The following SAMTOR variants were observed in gnomAD, a reference collection of about 807,000 sequenced individuals.
The protein encoded by SAMTOR is UPF0532 protein C7orf60.
At chr7:112,898,361 C>A in the SAMTOR span, among the ~76,000 whole-genome samples, 1 of 152,140 alleles carries the variant, frequency 6.6e-6, no homozygotes, top group African/African-American at 2.4e-5. Context: ...TCCATCACCC[C>A]TCCCCTCATT....
the SAMTOR span, among the ~76,000 whole-genome samples, chr7:112,826,093 C>A: frequency 6.6e-6 from 1 of 152,018 alleles, no homozygotes; most frequent in Non-Finnish European, 1.5e-5. Flanking sequence ...TTGTATAGAA[C>A]ATCTGTATCT....
the SAMTOR span, among the ~76,000 whole-genome samples, chr7:112,918,790 G>A: frequency 6.6e-6 from 1 of 152,000 alleles, no homozygotes; most frequent in East Asian, 1.9e-4. Flanking sequence ...AAGGCAGCAG[G>A]TGCAATCCTA....
At chr7:112,927,728 A>T in the SAMTOR span, among the ~76,000 whole-genome samples, 1 of 152,070 alleles carries the variant, frequency 6.6e-6, no homozygotes, top group Non-Finnish European at 1.5e-5. Flanking sequence ...AGCACAATTC[A>T]AAAATATATG....
the SAMTOR span, among the ~76,000 whole-genome samples, chr7:112,916,474 G>A: frequency 7.9e-5 from 12 of 152,300 alleles, no homozygotes; most frequent in South Asian, 2.1e-4. Flanking sequence ...CAAGATGGCC[G>A]AACAGGAACA....
the SAMTOR span, among the ~76,000 whole-genome samples, chr7:112,890,056 A>AGTT: frequency 6.6e-6 from 1 of 152,194 alleles, no homozygotes; most frequent in Non-Finnish European, 1.5e-5. Context: ...AAATTTAACA[A>AGTT]AGATCCTGGA....
At chr7:112,908,249 A>C in the SAMTOR span, among the ~76,000 whole-genome samples, 2 of 152,196 alleles carry the variant, frequency 1.3e-5, no homozygotes, top group Non-Finnish European at 2.9e-5. Flanking sequence ...GGCCTCATTC[A>C]GTCAGTTGAT....
At chr7:112,832,012 C>CTT in the SAMTOR span, among the ~76,000 whole-genome samples, 11 of 131,076 alleles carry the variant, frequency 8.4e-5, no homozygotes, top group African/African-American at 2.5e-4. Context: ...ACTGAAGTTT[C>CTT]TTTTTTTTTT....
chr7:112,937,179 A>G, the SAMTOR span, among the ~76,000 whole-genome samples: 1 of 152,202 alleles, frequency 6.6e-6, no homozygotes, highest in Non-Finnish European at 1.5e-5. Context: ...AGAGGCACCC[A>G]GTTGAATCTG....
the SAMTOR span, among the ~76,000 whole-genome samples, chr7:112,886,368 T>C: frequency 1.3e-5 from 2 of 152,226 alleles, no homozygotes; most frequent in African/African-American, 4.8e-5. Context: ...GAATTAGTAT[T>C]ATCTTTCTGG....
At chr7:112,885,409 A>G in the SAMTOR span, among the ~76,000 whole-genome samples, 1 of 152,148 alleles carries the variant, frequency 6.6e-6, no homozygotes, top group African/African-American at 2.4e-5. Flanking sequence ...CCAAACTTTT[A>G]TGCTCTGCTT....
the SAMTOR span, among the ~76,000 whole-genome samples, chr7:112,836,424 G>T: frequency 3.9e-5 from 6 of 152,198 alleles, no homozygotes; most frequent in Middle Eastern, 6.8e-3. Context: ...CCATTCTGTA[G>T]GTTGTCTGTT....
At chr7:112,841,822 T>TG in the SAMTOR span, among the ~76,000 whole-genome samples, 2 of 152,024 alleles carry the variant, frequency 1.3e-5, no homozygotes, top group Non-Finnish European at 2.9e-5. Flanking sequence ...AAACAAGCAA[T>TG]GGGGAAAGGA....
At chr7:112,909,500 A>G in the SAMTOR span, among the ~76,000 whole-genome samples, 1 of 152,216 alleles carries the variant, frequency 6.6e-6, no homozygotes, top group South Asian at 2.1e-4. Flanking sequence ...ACTGTATAGC[A>G]AATTGGTATT....
At chr7:112,857,259 T>C in the SAMTOR span, among the ~76,000 whole-genome samples, 6 of 149,002 alleles carry the variant, frequency 4.0e-5, no homozygotes, top group Non-Finnish European at 8.9e-5. Context: ...GCCCGGCTAA[T>C]TTTTTGTATT....
At chr7:112,914,910 A>G in the SAMTOR span, among the ~76,000 whole-genome samples, 3 of 152,170 alleles carry the variant, frequency 2.0e-5, no homozygotes, top group East Asian at 3.9e-4. Flanking sequence ...CTGGTATTCT[A>G]TTTTGGCACT....
At chr7:112,881,043 G>A in the SAMTOR span, among the ~76,000 whole-genome samples, 6 of 152,296 alleles carry the variant, frequency 3.9e-5, no homozygotes, top group East Asian at 9.7e-4. Flanking sequence ...GCATCCCTGC[G>A]CTCTTGGGGG....
At chr7:112,832,012 CTTTTT>C in the SAMTOR span, among the ~76,000 whole-genome samples, 1 of 131,086 alleles carries the variant, frequency 7.6e-6, no homozygotes, top group Non-Finnish European at 1.7e-5. Context: ...ACTGAAGTTT[CTTTTT>C]TTTTTTTTTT....
At chr7:112,860,233 G>C in the SAMTOR span, among the ~76,000 whole-genome samples, 1 of 152,128 alleles carries the variant, frequency 6.6e-6, no homozygotes, top group Middle Eastern at 3.2e-3. Flanking sequence ...CTAGGTTTGT[G>C]AAAGTACACT....
chr7:112,832,080 C>T, the SAMTOR span, among the ~76,000 whole-genome samples: 22 of 150,394 alleles, frequency 1.5e-4, no homozygotes, highest in Non-Finnish European at 3.0e-4. Context: ...GGCGCGATCT[C>T]GACTCACTGC....
Sources: gnomAD v4.1 joint callset for allele counts (sites outside exome capture counted in the v4.1 genomes callset) on GRCh38, gnomAD v4.1.1 for gene constraint, MANE v1.5 for transcripts, NCBI Gene and HGNC (gene_info 2026-07-23, HGNC 2026-07-21) for gene names.